UBE2E2: variants seen among roughly 807,000 people sequenced by gnomAD.
UBE2E2 encodes the protein ubiquitin-conjugating enzyme E2 E2.
A neutral mutation model predicts 24.7 loss-of-function variants in UBE2E2; 6 were observed. That is an observed-to-expected ratio of 0.24 (90% CI 0.13 to 0.48). The LOEUF is 0.48. Among genes scored for constraint, UBE2E2 ranks in the 20% least tolerant of loss-of-function variants. UBE2E2 has a pLI of 0.99. For synonymous variants in UBE2E2, 104 were observed against 83.6 expected, an observed-to-expected ratio of 1.24 and a Z score of -1.33; for missense variants, 169 against 245.0, an observed-to-expected ratio of 0.69 and a Z score of 2.07.
chr3:23,419,769 A>G (rs1231419214), intron 3 of UBE2E2, among the ~76,000 whole-genome samples: 2 of 152,148 alleles, frequency 1.3e-5, no homozygotes, highest in Non-Finnish European at 2.9e-5. Flanking sequence ...TGTTAAATGA[A>G]TGAATGAGTC....
intron 3 of UBE2E2, among the ~76,000 whole-genome samples, chr3:23,363,796 C>T (rs773087791): frequency 6.6e-6 from 1 of 151,916 alleles, no homozygotes; most frequent in Non-Finnish European, 1.5e-5. Flanking sequence ...CCAAACGGGC[C>T]TAGTAGACAT....
intron 3 of UBE2E2, among the ~76,000 whole-genome samples, chr3:23,426,247 C>T (rs1231804925): frequency 1.3e-5 from 2 of 152,006 alleles, no homozygotes; most frequent in Non-Finnish European, 2.9e-5. Flanking sequence ...TATCCAAGAA[C>T]TGTGGAACAA....
At chr3:23,203,539 C>T (rs1023414446) in intron 1 of UBE2E2, 75 bp downstream of exon 1, 6 of 881,588 alleles carry the variant, frequency 6.8e-6, no homozygotes, top group Non-Finnish European at 8.2e-6. Flanking sequence ...CTCACTCCCC[C>T]GACCTCCCCT....
chr3:23,260,125 G>A (rs1414869578), intron 3 of UBE2E2, among the ~76,000 whole-genome samples: 1 of 152,088 alleles, frequency 6.6e-6, no homozygotes, highest in Non-Finnish European at 1.5e-5. Context: ...ACTGATTTGT[G>A]TGTCTTTGAA....
chr3:23,507,174 A>G (rs1297417180), intron 4 of UBE2E2, among the ~76,000 whole-genome samples: 2 of 152,058 alleles, frequency 1.3e-5, no homozygotes, highest in African/African-American at 4.8e-5. Flanking sequence ...CACATGACTC[A>G]CTTCATTTCT....
At chr3:23,404,082 C>A (rs1184498902) in intron 3 of UBE2E2, among the ~76,000 whole-genome samples, 1 of 152,120 alleles carries the variant, frequency 6.6e-6, no homozygotes, top group Non-Finnish European at 1.5e-5. Context: ...TTGTTGACCC[C>A]ATTTTCTTGA....
At chr3:23,578,420 A>G (rs1045348923) in intron 5 of UBE2E2, among the ~76,000 whole-genome samples, 60 of 152,240 alleles carry the variant, frequency 3.9e-4, no homozygotes, top group African/African-American at 1.4e-3. Context: ...TACCAGTCCC[A>G]TTACTGGGTG....
intron 5 of UBE2E2, among the ~76,000 whole-genome samples, chr3:23,563,232 C>G (rs1394546375): frequency 1.3e-5 from 2 of 152,196 alleles, no homozygotes; most frequent in Non-Finnish European, 2.9e-5. Context: ...CCTCTACACA[C>G]TGCTTTAAAT....
intron 3 of UBE2E2, among the ~76,000 whole-genome samples, chr3:23,386,516 G>A (rs764527554): frequency 6.6e-6 from 1 of 152,146 alleles, no homozygotes; most frequent in Non-Finnish European, 1.5e-5. Context: ...CTTAAAAGGC[G>A]TGAGTTTATT....
intron 3 of UBE2E2, among the ~76,000 whole-genome samples, chr3:23,470,142 G>T (rs1403170750): frequency 6.6e-6 from 1 of 152,162 alleles, no homozygotes; most frequent in Non-Finnish European, 1.5e-5. Context: ...AATACATTAG[G>T]ATCCACCAGG....
At chr3:23,445,996 CAGAG>C (rs897426892) in intron 3 of UBE2E2, among the ~76,000 whole-genome samples, 93 of 152,240 alleles carry the variant, frequency 6.1e-4, no homozygotes, top group African/African-American at 2.2e-3. Context: ...CCTGGGGGAA[CAGAG>C]AGAGACCCCA....
intron 3 of UBE2E2, among the ~76,000 whole-genome samples, chr3:23,223,717 G>A (rs1005546683): frequency 2.0e-5 from 3 of 152,040 alleles, no homozygotes; most frequent in Non-Finnish European, 4.4e-5. Flanking sequence ...TTGGTTGCCT[G>A]TGCTTTTGAG....
intron 3 of UBE2E2, among the ~76,000 whole-genome samples, chr3:23,409,238 C>T (rs910306198): frequency 6.6e-6 from 1 of 152,084 alleles, no homozygotes; most frequent in African/African-American, 2.4e-5. Flanking sequence ...ATCACTAAAG[C>T]AGAAAAAGCA....
rs1216594206 is a variant in UBE2E2 at position 23,474,517 on chromosome 3, A to C, written c.228-25091A>C. Among the ~76,000 whole-genome samples the C allele has an allele frequency of 6.6e-6, 1 of 152,128 alleles. No homozygotes were observed. Among genetic ancestry groups the C allele is most frequent in the African/African-American group, 2.4e-5 (1 of 41,360 alleles). ...AAAAAATCATAGAATTATAATGTAT[A>C]ATTTTGGAATTTATTGTTGAAGGGG... On this transcript the variant is annotated intron_variant, in intron 3 of 5. Coordinates refer to ENST00000396703, the MANE Select transcript of UBE2E2 (RefSeq NM_152653.4). The surrounding 1 kb of genome is among the most constrained non-coding windows in gnomAD (Gnocchi z 4.0).
At chr3:23,356,588 A>G (rs1695959225) in intron 3 of UBE2E2, among the ~76,000 whole-genome samples, 1 of 152,072 alleles carries the variant, frequency 6.6e-6, no homozygotes, top group Admixed American at 6.6e-5. Flanking sequence ...CCTTGACTCA[A>G]CTTCTCATCT....
At chr3:23,523,344 T>A (rs974857959) in intron 4 of UBE2E2, among the ~76,000 whole-genome samples, 1 of 152,206 alleles carries the variant, frequency 6.6e-6, no homozygotes, top group Non-Finnish European at 1.5e-5. Context: ...AATTTTCTAG[T>A]TGCATGTTTT....
chr3:23,545,035 C>T (rs575211008), intron 5 of UBE2E2, among the ~76,000 whole-genome samples: 2 of 152,376 alleles, frequency 1.3e-5, no homozygotes, highest in South Asian at 4.1e-4. Context: ...GCCCGCATGT[C>T]CCACCTCCAG....
intron 3 of UBE2E2, among the ~76,000 whole-genome samples, chr3:23,439,516 G>A (rs1698252603): frequency 6.6e-6 from 1 of 152,128 alleles, no homozygotes; most frequent in South Asian, 2.1e-4. Flanking sequence ...GTGAGCCCTG[G>A]GGATGGCTAG....
intron 3 of UBE2E2, among the ~76,000 whole-genome samples, chr3:23,437,702 T>G (rs1240906179): frequency 6.6e-6 from 1 of 152,222 alleles, no homozygotes; most frequent in Non-Finnish European, 1.5e-5. Context: ...CTGGCATGTT[T>G]CCGTCAGACA....
Sources: allele counts gnomAD v4.1 joint callset (sites outside exome capture counted in the v4.1 genomes callset), GRCh38; gene constraint gnomAD v4.1.1; non-coding constraint Gnocchi (gnomAD v3.1); transcripts MANE v1.5; gene names NCBI Gene and HGNC (gene_info 2026-07-23, HGNC 2026-07-21).